The following PIK3R4 variants were observed in gnomAD, a reference collection of about 807,000 sequenced individuals.
PIK3R4 encodes phosphoinositide 3-kinase regulatory subunit 4.
A neutral mutation model predicts 136.5 loss-of-function variants in PIK3R4; 46 were observed. The ratio of observed to expected loss-of-function variants is 0.34; its 90% CI spans 0.27 to 0.43. PIK3R4 has a LOEUF of 0.43. Ranked by LOEUF, PIK3R4 falls within the 20% of genes least tolerant of loss-of-function variation. The pLI is 1.00. For synonymous variants in PIK3R4, 557 were observed against 566.7 expected, an observed-to-expected ratio of 0.98 and a Z score of 0.24; for missense variants, 1,331 against 1,649.5, an observed-to-expected ratio of 0.81 and a Z score of 3.35.
intron 3 of PIK3R4, 41 bp downstream of exon 3, chr3:130,735,828 C>A (rs202198436): frequency 1.1e-4 from 174 of 1,562,740 alleles, no homozygotes; most frequent in Non-Finnish European, 3.3e-5. Flanking sequence ...GGAACTAGAT[C>A]CTATTAAAAA....
At position 130,745,066 on chromosome 3, in the gene PIK3R4, A is replaced by C. The variant is rs766858790; in HGVS notation, c.153T>G (p.Val51=). ...ARAKHREGLV[V]VKVFAIQDPT... ...GATCCTGAATTGCAAAAACCTTCAC[A>C]ACGACCAGGCCTTCTCGGTGCTTGG... Residue 51 remains valine (V), a synonymous_variant, in exon 2 of 20, where the codon GTT becomes GTG. Transcript: ENST00000356763. 7 of 1,613,276 alleles carry C rather than the reference A, an allele frequency of 4.3e-6. No individual in the cohort carries two copies. The East Asian group carries it at 1.3e-4, about 31-fold the overall frequency.
At position 130,741,392 on chromosome 3, in the gene PIK3R4, T is replaced by C. The variant is rs12492370; in HGVS notation, c.733+3094A>G. Among the ~76,000 whole-genome samples the C allele has an allele frequency of 9.0e-3, 1,366 of 152,290 alleles. 19 individuals are homozygous for C. The highest frequency in any genetic ancestry group is 0.052 in the East Asian group (272 of 5,184). On this transcript the variant is annotated intron_variant, in intron 2 of 19. Transcript: ENST00000356763. ...GCCCCCAGAACTGAGAGAAAATAAA[T>C]CTTGTTTCAGCCACCATCTCTATGG...
intron 2 of PIK3R4, among the ~76,000 whole-genome samples, chr3:130,743,676 C>A (rs931732771): frequency 2.6e-5 from 4 of 152,162 alleles, no homozygotes; most frequent in African/African-American, 9.7e-5. Flanking sequence ...CTAATTATCT[C>A]TTAAGCATTA....
At chr3:130,691,968 G>A (rs1415514401) in intron 13 of PIK3R4, among the ~76,000 whole-genome samples, 1 of 147,578 alleles carries the variant, frequency 6.8e-6, no homozygotes, top group Non-Finnish European at 1.5e-5. Flanking sequence ...TCTGCCTCCT[G>A]GGTTCAGGCC....
chr3:130,697,208 T>G (rs1576453105), intron 13 of PIK3R4, among the ~76,000 whole-genome samples: 2 of 151,762 alleles, frequency 1.3e-5, no homozygotes, highest in Admixed American at 1.3e-4. Context: ...TAGCTGGGAC[T>G]ACAGGCGTGT....
chr3:130,729,263 A>G (rs1056272879), intron 5 of PIK3R4, among the ~76,000 whole-genome samples: 2 of 152,160 alleles, frequency 1.3e-5, no homozygotes, highest in Non-Finnish European at 1.5e-5. Flanking sequence ...ACTAAAATGT[A>G]AGCTCAAGAG....
chr3:130,679,374 T>C lies in PIK3R4; in HGVS notation c.4018A>G (p.Thr1340Ala), dbSNP rs1291292473. The C allele has an allele frequency of 6.2e-7, 1 of 1,613,322 alleles. No homozygotes were observed. Among genetic ancestry groups the C allele is most frequent in the African/African-American group, 1.3e-5 (1 of 74,868 alleles). Residue 1340 changes from threonine (T) to alanine (A), a missense_variant, in exon 20 of 20, where the codon ACC (threonine) becomes GCC (alanine). By Grantham distance (58) the Thr-to-Ala change is moderately conservative. This residue lies in a region of PIK3R4 where 1,180 missense variants were observed against 1,407.0 expected (regional missense o/e 0.84). Transcript: ENST00000356763. ...GCAGTTACGATGAAGCCCTGTGTGGTCTGGAATGTGGCGACATCAGTGATG... is the reference window on the plus strand; with the variant it reads ...GCAGTTACGATGAAGCCCTGTGTGGCCTGGAATGTGGCGACATCAGTGATG... ...DIITDVATFQ[T>A]TQGFIVTASR...
In PIK3R4 at chr3:130,730,378, A is replaced by G. The variant is rs2170990; in HGVS notation, c.1515T>C (p.Leu505=). ...CATTATTGGGGTCATTTTCCATATT[A>G]AGATTTTTTAACTGTACTAATTCCA... is the stretch of plus-strand genomic sequence containing the variant. ...RFLELVQLKN[L]NMENDPNNEE... Residue 505 remains leucine, a synonymous_variant, in exon 5 of 20, where the codon CTT becomes CTC. Coordinates refer to ENST00000356763, the MANE Select transcript of PIK3R4 (RefSeq NM_014602.3). 0.2 allele frequency: 314,919 copies of G among 1,598,848 alleles called. 33,570 individuals are homozygous for G. The highest frequency in any genetic ancestry group is 0.34 in the Admixed American group (19,996 of 58,162).
chr3:130,741,437 T>C (rs768418785), intron 2 of PIK3R4, among the ~76,000 whole-genome samples: 7 of 152,246 alleles, frequency 4.6e-5, no homozygotes, highest in Non-Finnish European at 5.9e-5. Context: ...ATGGCATCCC[T>C]AACAAACTAA....
chr3:130,746,238 G>A (rs1388888998), intron 1 of PIK3R4, 80 bp downstream of exon 1: 1 of 152,266 alleles, frequency 6.6e-6, no homozygotes, highest in African/African-American at 2.4e-5. Flanking sequence ...ACGTACCCCA[G>A]GGTTCTGCTA....
At chr3:130,726,085 AT>A (rs1380710717) in intron 6 of PIK3R4, 2 of 152,090 alleles carry the variant, frequency 1.3e-5, no homozygotes, top group African/African-American at 4.8e-5. Flanking sequence ...TCCTAAGAAA[AT>A]AATCAGAAAC....
chr3:130,706,979 C>A lies in PIK3R4; in HGVS notation c.2690G>T (p.Gly897Val). ...AGAAGTTGACAAAGGGACACAAATG[C>A]CAGCAGAGGACTCGGAACGAGGAGG... The part of the protein sequence containing the change: ...GKPPRSESSA[G>V]ICVPLSTSSQ... The change falls in exon 11 of 20, where the codon GGC becomes GTC. Residue 897 changes from glycine (G) to valine (V), a missense_variant. Gly to Val is a moderately radical substitution (Grantham distance 109). Coordinates refer to ENST00000356763, the MANE Select transcript of PIK3R4 (RefSeq NM_014602.3). 5.6e-6 allele frequency: 9 copies of A among 1,610,940 alleles called. No homozygotes were observed. Among genetic ancestry groups the A allele is most frequent in the African/African-American group, 1.3e-5 (1 of 74,908 alleles).
rs192768507 is a variant in PIK3R4 at position 130,692,073 on chromosome 3, C to T, written c.3099-1419G>A. Among the ~76,000 whole-genome samples the T allele has an allele frequency of 4.6e-3, 692 of 151,862 alleles. 2 individuals carry two copies. The highest frequency in any genetic ancestry group is 7.9e-3 in the Admixed American group (121 of 15,250). On this transcript the variant is annotated intron_variant, in intron 13 of 19. Coordinates refer to ENST00000356763, the MANE Select transcript of PIK3R4 (RefSeq NM_014602.3). ...TGTATTTTTAATAGAGGCAGGGTTTCACCATGTTAGCCAGAATGGTCTCGA... is the reference window on the plus strand; with the variant it reads ...TGTATTTTTAATAGAGGCAGGGTTTTACCATGTTAGCCAGAATGGTCTCGA...
Position 130,744,520 on chromosome 3 carries a change from T to C in PIK3R4, c.699A>G (p.Gly233=). 6.2e-7 allele frequency: 1 copy of C among 1,614,002 alleles called. No homozygotes were observed. The highest frequency in any genetic ancestry group is 1.3e-5 in the African/African-American group (1 of 75,068). Reference sequence around the variant, plus strand: ...AGATGTCCATTGCTCTCTTCAACTCTCCTCTTGTTCTCTGATTGCTATTTA... The same window carrying C: ...AGATGTCCATTGCTCTCTTCAACTCCCCTCTTGTTCTCTGATTGCTATTTA... ...VDLNSNQRTR[G]ELKRAMDIFS... The change falls in exon 2 of 20, where the codon GGA becomes GGG. Residue 233 remains glycine (G), a synonymous_variant. Coordinates refer to ENST00000356763, the MANE Select transcript of PIK3R4 (RefSeq NM_014602.3).
intron 3 of PIK3R4, among the ~76,000 whole-genome samples, chr3:130,734,472 G>A (rs1299080721): frequency 6.6e-6 from 1 of 152,164 alleles, no homozygotes; most frequent in African/African-American, 2.4e-5. Context: ...CTCTTCCAGA[G>A]AAAAATGTAT....
chr3:130,705,833 G>A, intron 11 of PIK3R4, 62 bp from the exon 12 acceptor site: 1 of 884,716 alleles, frequency 1.1e-6, no homozygotes, highest in Non-Finnish European at 1.8e-6. Flanking sequence ...GAAGACAGAA[G>A]TGTATGCATG....
chr3:130,685,405 A>G (rs911813573), intron 15 of PIK3R4, among the ~76,000 whole-genome samples: 22 of 152,186 alleles, frequency 1.4e-4, no homozygotes, highest in Non-Finnish European at 1.2e-4. Flanking sequence ...GTCAAAAAAG[A>G]AATTTTACAA....
chr3:130,704,066 C>T (rs527701365), intron 12 of PIK3R4, among the ~76,000 whole-genome samples, 178 bp from the exon 13 acceptor site: 2 of 152,276 alleles, frequency 1.3e-5, no homozygotes, highest in Admixed American at 1.3e-4. Flanking sequence ...ATATTATTTA[C>T]TGAGACATCA....
chr3:130,685,157 A>G, intron 15 of PIK3R4, among the ~76,000 whole-genome samples: 1 of 152,182 alleles, frequency 6.6e-6, no homozygotes, highest in Non-Finnish European at 1.5e-5. Context: ...GAAAAGGGGA[A>G]ATGTTGATCA....
Sources: allele counts gnomAD v4.1 joint callset (sites outside exome capture counted in the v4.1 genomes callset), GRCh38; gene constraint gnomAD v4.1.1; regional missense constraint gnomAD v4.1.1; transcripts MANE v1.5; gene names NCBI Gene and HGNC (gene_info 2026-07-23, HGNC 2026-07-21).